POLE: variants seen among roughly 807,000 people sequenced by gnomAD.
POLE encodes the protein DNA polymerase epsilon catalytic subunit A.
POLE carries 188 observed loss-of-function variants against 279.2 expected under a neutral mutation model. The observed-to-expected ratio is 0.67, with a 90% CI of 0.60 to 0.76. The LOEUF is 0.76. Among genes scored for constraint, POLE ranks in the 30% least tolerant of loss-of-function variants. The probability of loss-of-function intolerance (pLI) is 0.00; values close to 1 mark genes in which losing one functional copy is unlikely to be tolerated. For synonymous variants in POLE, 1,214 were observed against 1,172.5 expected (o/e 1.04, Z -0.72); for missense variants, 2,703 against 3,016.7 (o/e 0.90, Z 2.44).
Position 132,641,769 on chromosome 12 carries a change from G to C in POLE, c.5256C>G (p.Asp1752Glu). 1 of 1,610,204 alleles carries C rather than the reference G, an allele frequency of 6.2e-7. No individual in the cohort carries two copies. The highest frequency in any genetic ancestry group is 8.5e-7 in the Non-Finnish European group (1 of 1,179,982). ...TCACGTCGAAGCTGATCCCCATGCT[G>C]TCGGCCCCCTCCATGTCGTTGACAT... ...SHHVNDMEGADSMGISFDVIQ... is the reference protein window; with the variant it reads ...SHHVNDMEGAESMGISFDVIQ... The change falls in exon 39 of 49, where the codon GAC becomes GAG. Residue 1752 changes from aspartate (D) to glutamate (E), a missense_variant. Physicochemically the swap from Asp to Glu is conservative, Grantham distance 45 (BLOSUM62 2). Coordinates refer to ENST00000320574, the MANE Select transcript of POLE (RefSeq NM_006231.4).
chr12:132,682,070 C>T (rs1030492714), intron 1 of POLE, among the ~76,000 whole-genome samples: 5 of 151,906 alleles, frequency 3.3e-5, no homozygotes, highest in African/African-American at 4.8e-5. Context: ...CCGAGGCGGG[C>T]GGATCACGAG....
Position 132,668,604 on chromosome 12 carries a change from C to G in POLE, c.2026+31G>C, listed in dbSNP as rs377647985. ...CCGACACTCACCCACCCGTTTCCCA[C>G]CGAGTGCCCACCCAGGCGGCCGACA... On this transcript the variant is annotated intron_variant, in intron 18 of 48. Coordinates refer to ENST00000320574, the MANE Select transcript of POLE (RefSeq NM_006231.4). This position sits in a 1 kb window ranked among gnomAD's most constrained non-coding sequence, Gnocchi z 4.0. 3 of 1,598,200 alleles carry G rather than the reference C, an allele frequency of 1.9e-6. No homozygotes were observed. The African/African-American group carries it at 4.0e-5, about 21-fold the overall frequency.
Position 132,641,769 on chromosome 12 carries a change from G to T in POLE, c.5256C>A (p.Asp1752Glu). ...SHHVNDMEGA[D>E]SMGISFDVIQ... ...TCACGTCGAAGCTGATCCCCATGCT[G>T]TCGGCCCCCTCCATGTCGTTGACAT... is the stretch of plus-strand genomic sequence containing the variant. Residue 1752 changes from aspartate to glutamate, a missense_variant, in exon 39 of 49, where the codon GAC becomes GAA. By Grantham distance (45) the Asp-to-Glu change is conservative. Around this residue, in one of 5 missense-constraint regions of POLE, gnomAD observed 1,551 missense variants for 1,686.1 expected, o/e 0.92. Coordinates refer to ENST00000320574, the MANE Select transcript of POLE (RefSeq NM_006231.4). 6.2e-7 allele frequency: 1 copy of T among 1,610,204 alleles called. No individual in the cohort carries two copies.
intron 41 of POLE, among the ~76,000 whole-genome samples, chr12:132,636,905 C>T (rs2042046463): frequency 6.6e-6 from 1 of 152,260 alleles, no homozygotes; most frequent in African/African-American, 2.4e-5. Flanking sequence ...CCTAACTCTG[C>T]TCTTCGCGCT....
intron 16 of POLE, among the ~76,000 whole-genome samples, chr12:132,670,102 T>C (rs986111500): frequency 2.6e-5 from 4 of 152,026 alleles, no homozygotes; most frequent in Non-Finnish European, 4.4e-5. Flanking sequence ...TCGGGCGCGG[T>C]GGCTCACGCC....
chr12:132,662,179 T>G (rs957119961), intron 23 of POLE, among the ~76,000 whole-genome samples: 2 of 152,126 alleles, frequency 1.3e-5, no homozygotes, highest in Admixed American at 6.6e-5. Context: ...CTGGGCCAAA[T>G]GAGCCCAACA....
At chr12:132,657,831 T>C (rs762787562) in intron 27 of POLE, 37 bp downstream of exon 27, 1 of 1,398,158 alleles carries the variant, frequency 7.2e-7, no homozygotes, top group East Asian at 2.3e-5. Context: ...GCTTTCCTTG[T>C]AAACTTTTAA....
intron 12 of POLE, among the ~76,000 whole-genome samples, chr12:132,674,414 C>G (rs187860688): frequency 6.6e-6 from 1 of 152,016 alleles, no homozygotes; most frequent in Admixed American, 6.5e-5. Context: ...ATCTACAGTG[C>G]GAGCCCAAAC....
In POLE at chr12:132,632,733, T is replaced by TG. The variant is rs1217568343; in HGVS notation, c.6066dup (p.Thr2023HisfsTer36). On this transcript the variant is annotated frameshift_variant, in exon 44 of 49. Transcript: ENST00000320574. LOFTEE classifies it high-confidence loss of function. ...CTGGCCCCCCTCCTCCTCACGGGGG[T>TG]GCTCCCTGGAGCACTGCGCCTCAGC... 6.2e-7 allele frequency: 1 copy of TG among 1,612,980 alleles called. No individual in the cohort carries two copies. The highest frequency in any genetic ancestry group is 1.3e-5 in the African/African-American group (1 of 74,734).
rs1428321806 is a variant in POLE, at chr12:132,657,132, T to TCA, written c.3582+2_3582+3dup. ...CCAGCCCAGCCTTGGGGCCCCACCGTCACCTGTCTCCTGCCCTCCAGGGTG... is the reference window on the plus strand; with the variant it reads ...CCAGCCCAGCCTTGGGGCCCCACCGTCACACCTGTCTCCTGCCCTCCAGGGTG... On this transcript the variant is annotated splice_donor_region_variant and intron_variant, in intron 29 of 48. Coordinates refer to ENST00000320574, the MANE Select transcript of POLE (RefSeq NM_006231.4). The TCA allele has an allele frequency of 6.2e-7, 1 of 1,613,800 alleles. No homozygotes were observed. The highest frequency in any genetic ancestry group is 1.3e-5 in the African/African-American group (1 of 74,848).
intron 16 of POLE, among the ~76,000 whole-genome samples, chr12:132,670,070 A>C (rs1356170695): frequency 6.6e-6 from 1 of 151,884 alleles, no homozygotes; most frequent in Non-Finnish European, 1.5e-5. Flanking sequence ...TTTCTTAAAG[A>C]CTTTAAATAT....
rs1565935798 is a variant in POLE at position 132,641,708 on chromosome 12, C to T, written c.5317G>A (p.Gly1773Ser). ...QASLEDMITG[G>S]QAASAPASYD... The stretch of plus-strand genomic sequence containing the variant: ...CTGGCCGGGGCACTGGCAGCCTGAC[C>T]ACCCGTGATCATGTCCTCCAGGGAG... The change falls in exon 39 of 49, where the codon GGT becomes AGT. Residue 1773 changes from glycine to serine, a missense_variant. Around this residue, in one of 5 missense-constraint regions of POLE, gnomAD observed 1,551 missense variants for 1,686.1 expected, o/e 0.92. Coordinates refer to ENST00000320574, the MANE Select transcript of POLE (RefSeq NM_006231.4). 6.2e-7 allele frequency: 1 copy of T among 1,613,726 alleles called. No individual in the cohort carries two copies. Among genetic ancestry groups the T allele is most frequent in the Non-Finnish European group, 8.5e-7 (1 of 1,180,028 alleles).
intron 32 of POLE, among the ~76,000 whole-genome samples, chr12:132,645,184 G>T (rs538016620): frequency 9.8e-6 from 1 of 102,276 alleles, no homozygotes; most frequent in Non-Finnish European, 2.0e-5. Context: ...GGGTCTGGGA[G>T]AGCTGGAGAG....
chr12:132,666,983 G>C (rs973300767), intron 20 of POLE, among the ~76,000 whole-genome samples: 1 of 151,938 alleles, frequency 6.6e-6, no homozygotes, highest in Non-Finnish European at 1.5e-5. Context: ...AGGTCTCTCA[G>C]AAAAAAAATG....
Position 132,664,594 on chromosome 12 carries a change from C to A in POLE, c.2469-132G>T. The A allele has an allele frequency of 1.4e-6, 1 of 707,476 alleles. No individual in the cohort carries two copies. Among genetic ancestry groups the A allele is most frequent in the East Asian group, 2.7e-5 (1 of 37,242 alleles). 43.8% of individuals were successfully genotyped at this position (707,476 alleles called of 1,614,324 possible). A position where few individuals can be genotyped will look rare whatever the true frequency, so the allele number is the denominator to read the frequency against. Reference sequence around the variant, plus strand: ...AGGGAAGCAGCCAAATGTGCGTGCACCAGGACAGAACTAAGGTGGAATCTG... The same window carrying A: ...AGGGAAGCAGCCAAATGTGCGTGCAACAGGACAGAACTAAGGTGGAATCTG... On this transcript the variant is annotated intron_variant, in intron 21 of 48. Transcript: ENST00000320574. This position sits in a 1 kb window ranked among gnomAD's most constrained non-coding sequence, Gnocchi z 5.3.
intron 16 of POLE, among the ~76,000 whole-genome samples, chr12:132,671,143 A>G (rs2042918837): frequency 6.6e-6 from 1 of 151,650 alleles, no homozygotes; most frequent in African/African-American, 2.4e-5. Context: ...GGCACCTGTA[A>G]TCCCAGCTAC....
intron 1 of POLE, among the ~76,000 whole-genome samples, chr12:132,685,094 A>G (rs1428464766): frequency 8.5e-5 from 7 of 82,352 alleles, no homozygotes; most frequent in East Asian, 3.3e-4. Context: ...ACTGGTTACT[A>G]TATCACACCG....
At position 132,641,488 on chromosome 12, in the gene POLE, A is replaced by T. The variant is rs111965265; in HGVS notation, c.5378+159T>A. 2.9e-3 allele frequency: 1,898 copies of T among 653,918 alleles called. 22 individuals are homozygous for T. The African/African-American group carries it at 0.031, about 11-fold the overall frequency. 40.5% of individuals were successfully genotyped at this position (653,918 alleles called of 1,614,324 possible). A position where few individuals can be genotyped will look rare whatever the true frequency, so the allele number is the denominator to read the frequency against. The stretch of plus-strand genomic sequence containing the variant: ...AGGCCGGACCCCCACAGTGGTAAAG[A>T]CAATAGACTATGGAAAACTCGCCAC... On this transcript the variant is annotated intron_variant, in intron 39 of 48. Transcript: ENST00000320574.
At chr12:132,637,519 G>C in intron 41 of POLE, among the ~76,000 whole-genome samples, 1 of 152,190 alleles carries the variant, frequency 6.6e-6, no homozygotes, top group East Asian at 1.9e-4. Context: ...GCACAGCAAG[G>C]CCTAGGAGGG....
Sources: gnomAD v4.1 joint callset for allele counts (sites outside exome capture counted in the v4.1 genomes callset) on GRCh38, gnomAD v4.1.1 for gene constraint, gnomAD v4.1.1 regional missense constraint, Gnocchi (gnomAD v3.1) non-coding constraint, MANE v1.5 for transcripts, NCBI Gene and HGNC (gene_info 2026-07-23, HGNC 2026-07-21) for gene names.